The following CSMD1 variants were observed in gnomAD, a reference collection of about 807,000 sequenced individuals.
CSMD1 encodes the protein CUB and Sushi multiple domains 1, also known as CUB and sushi domain-containing protein 1.
A neutral mutation model predicts 417.5 loss-of-function variants in CSMD1; 213 were observed. The observed-to-expected ratio is 0.51, with a 90% confidence interval of 0.46 to 0.57. The LOEUF (loss-of-function observed/expected upper bound fraction) is 0.57. CSMD1 is among the 20% of genes least tolerant of loss of function. CSMD1 has a pLI of 0.00. For missense variants in CSMD1, 6,923 were observed against 4,529.7 expected (o/e 1.53, Z -15.17); for synonymous variants, 2,862 against 1,736.8 (o/e 1.65, Z -16.11).
intron 5 of CSMD1, among the ~76,000 whole-genome samples, chr8:3,910,197 C>T (rs534009454): frequency 3.9e-5 from 6 of 152,096 alleles, no homozygotes; most frequent in South Asian, 2.1e-4. Context: ...TTATAATGCA[C>T]GGAAAACAAT....
At chr8:3,446,588 C>G (rs191625065) in intron 12 of CSMD1, among the ~76,000 whole-genome samples, 22 of 152,276 alleles carry the variant, frequency 1.4e-4, no homozygotes, top group African/African-American at 5.1e-4. Flanking sequence ...CACGGGTAAA[C>G]AGATTCTCCT....
intron 55 of CSMD1, among the ~76,000 whole-genome samples, chr8:2,976,032 GAAGAT>G (rs1378862528): frequency 6.6e-6 from 1 of 152,168 alleles, no homozygotes; most frequent in African/African-American, 2.4e-5. Flanking sequence ...TGAAAGCAAG[GAAGAT>G]GAGAATGCAG....
intron 7 of CSMD1, among the ~76,000 whole-genome samples, chr8:3,690,621 TTCCACTCTCAAAA>T (rs1451846755): frequency 1.3e-5 from 2 of 152,212 alleles, no homozygotes; most frequent in African/African-American, 4.8e-5. Context: ...ATATCATAGC[TTCCACTCTCAAAA>T]TATTCTTTCA....
intron 5 of CSMD1, among the ~76,000 whole-genome samples, chr8:3,875,326 T>C (rs1002064000): frequency 6.6e-6 from 1 of 152,240 alleles, no homozygotes; most frequent in South Asian, 2.1e-4. Context: ...TGCTGTTCTA[T>C]TAGGTGAAGG....
At chr8:3,896,168 C>T (rs758970651) in intron 5 of CSMD1, among the ~76,000 whole-genome samples, 9 of 152,112 alleles carry the variant, frequency 5.9e-5, no homozygotes, top group African/African-American at 1.4e-4. Flanking sequence ...ATGATTAAGA[C>T]ACAACAAAAA....
intron 51 of CSMD1, among the ~76,000 whole-genome samples, chr8:3,021,631 TC>T (rs1399236061): frequency 1.3e-4 from 20 of 151,894 alleles, no homozygotes; most frequent in African/African-American, 4.1e-4. Context: ...CATCCGGAAA[TC>T]ACCTGCAATC....
chr8:3,792,699 T>C (rs928655294), intron 5 of CSMD1, among the ~76,000 whole-genome samples: 13 of 152,170 alleles, frequency 8.5e-5, no homozygotes, highest in African/African-American at 2.4e-4. Context: ...TTTTCTAAAA[T>C]TGACACAGTC....
intron 11 of CSMD1, among the ~76,000 whole-genome samples, chr8:3,470,343 C>A (rs962528318): frequency 6.6e-6 from 1 of 152,014 alleles, no homozygotes; most frequent in Non-Finnish European, 1.5e-5. Context: ...TTTCTAAATT[C>A]TTGAAATTTT....
intron 12 of CSMD1, among the ~76,000 whole-genome samples, chr8:3,418,591 T>A (rs1813301470): frequency 6.6e-6 from 1 of 152,166 alleles, no homozygotes; most frequent in Non-Finnish European, 1.5e-5. Flanking sequence ...AAGATTCAGA[T>A]CCAACAATGT....
At chr8:4,271,193 G>C (rs1342054789) in intron 3 of CSMD1, among the ~76,000 whole-genome samples, 1 of 152,042 alleles carries the variant, frequency 6.6e-6, no homozygotes, top group Non-Finnish European at 1.5e-5. Flanking sequence ...TTTATGGATA[G>C]ATGTAAACAT....
At chr8:3,067,581 C>T (rs557842471) in intron 49 of CSMD1, among the ~76,000 whole-genome samples, 54 of 150,940 alleles carry the variant, frequency 3.6e-4, no homozygotes, top group South Asian at 1.5e-3. Context: ...CACCATCCTT[C>T]TCACCATATT....
intron 3 of CSMD1, among the ~76,000 whole-genome samples, chr8:4,045,333 A>G (rs375878476): frequency 1.2e-4 from 19 of 152,270 alleles, no homozygotes; most frequent in East Asian, 5.8e-4. Context: ...AGGACCATCA[A>G]TTGTGTATGA....
chr8:3,684,078 A>T (rs1563270092), intron 7 of CSMD1, among the ~76,000 whole-genome samples: 1 of 148,156 alleles, frequency 6.7e-6, no homozygotes, highest in Non-Finnish European at 1.5e-5. Flanking sequence ...AAACATGAAA[A>T]AAGCAACTTT....
At chr8:4,839,436 G>GA (rs1185931520) in intron 1 of CSMD1, among the ~76,000 whole-genome samples, 1 of 151,954 alleles carries the variant, frequency 6.6e-6, no homozygotes, top group South Asian at 2.1e-4. Flanking sequence ...TTCTAGTTCT[G>GA]AAAAAAAGTT....
intron 5 of CSMD1, among the ~76,000 whole-genome samples, chr8:3,913,541 C>A (rs1355238596): frequency 1.3e-5 from 2 of 152,088 alleles, no homozygotes; most frequent in Non-Finnish European, 2.9e-5. Flanking sequence ...GCCCTAGGTG[C>A]AAGTAATAAT....
chr8:3,830,609 G>A (rs753816150), intron 5 of CSMD1, among the ~76,000 whole-genome samples: 7 of 152,060 alleles, frequency 4.6e-5, no homozygotes, highest in Non-Finnish European at 1.0e-4. Context: ...AACACTGGCA[G>A]AAAAATATTG....
At chr8:3,418,037 A>C (rs1453382512) in intron 12 of CSMD1, among the ~76,000 whole-genome samples, 1 of 152,196 alleles carries the variant, frequency 6.6e-6, no homozygotes, top group Admixed American at 6.5e-5. Flanking sequence ...TGTTAAAATG[A>C]TGTGTGATCG....
At chr8:4,165,895 C>G (rs1049305801) in intron 3 of CSMD1, among the ~76,000 whole-genome samples, 44 of 152,204 alleles carry the variant, frequency 2.9e-4, no homozygotes, top group Admixed American at 9.8e-4. Context: ...CAACCTGTGC[C>G]TAGCACAGTA....
chr8:3,398,437 A>G (rs1464284007), intron 16 of CSMD1, among the ~76,000 whole-genome samples: 1 of 152,234 alleles, frequency 6.6e-6, no homozygotes, highest in Non-Finnish European at 1.5e-5. Flanking sequence ...AAAAATAATT[A>G]TTTCAAATAA....
Sources: gnomAD v4.1 joint callset for allele counts (sites outside exome capture counted in the v4.1 genomes callset) on GRCh38, gnomAD v4.1.1 for gene constraint, MANE v1.5 for transcripts, NCBI Gene and HGNC (gene_info 2026-07-23, HGNC 2026-07-21) for gene names.